GRIP1: variants seen among roughly 807,000 people sequenced by gnomAD.
GRIP1 encodes the protein glutamate receptor interacting protein 1.
Under a neutral mutation model 129.9 loss-of-function variants are expected in GRIP1, and 45 were observed. The ratio of observed to expected loss-of-function variants is 0.35; its 90% CI spans 0.27 to 0.44. The LOEUF is 0.44. Among genes scored for constraint, GRIP1 ranks in the 20% least tolerant of loss-of-function variants. GRIP1 has a pLI of 1.00. For missense variants in GRIP1, 1,196 were observed against 1,396.8 expected (o/e 0.86, Z 2.29); for synonymous variants, 530 against 520.8 (o/e 1.02, Z -0.24).
intron 1 of GRIP1, among the ~76,000 whole-genome samples, chr12:66,598,304 G>A (rs1197155455): frequency 6.6e-6 from 1 of 152,130 alleles, no homozygotes; most frequent in African/African-American, 2.4e-5. Context: ...GATTAACACT[G>A]CTGTAAGTGG....
rs560821485 is a variant in GRIP1, at chr12:66,921,320, C to T, written c.58+147730G>A. On this transcript the variant is annotated intron_variant, in intron 1 of 1. Coordinates refer to the GRIP1 transcript ENST00000643019. ...CAGGCAAGATTCCACACAAAATACACAGGAAAGGGACTGCTCCTGGCTCCT... is the reference window on the plus strand; with the variant it reads ...CAGGCAAGATTCCACACAAAATACATAGGAAAGGGACTGCTCCTGGCTCCT... Among the ~76,000 whole-genome samples, 140 of 152,288 alleles carry T rather than the reference C, an allele frequency of 9.2e-4. 1 individual carries two copies. The highest frequency in any genetic ancestry group is 3.3e-3 in the African/African-American group (138 of 41,556).
intron 1 of GRIP1, among the ~76,000 whole-genome samples, chr12:66,979,236 A>ACAAAC (rs1437500076): frequency 4.9e-5 from 7 of 142,568 alleles, no homozygotes; most frequent in Admixed American, 2.2e-4. Flanking sequence ...AAAAAAAAAA[A>ACAAAC]AAAAAAAAAA....
At chr12:66,772,418 A>G (rs1414876736) in intron 1 of GRIP1, among the ~76,000 whole-genome samples, 1 of 152,262 alleles carries the variant, frequency 6.6e-6, no homozygotes, top group Non-Finnish European at 1.5e-5. Flanking sequence ...CATATCCTTC[A>G]GAAAATTGCT....
intron 2 of GRIP1, among the ~76,000 whole-genome samples, chr12:66,557,616 T>C (rs1029494582): frequency 6.6e-6 from 1 of 152,194 alleles, no homozygotes; most frequent in Non-Finnish European, 1.5e-5. Flanking sequence ...GTGTCAAGTA[T>C]ATTCTCTGAC....
chr12:66,594,406 G>A (rs896116212), intron 2 of GRIP1, among the ~76,000 whole-genome samples: 6 of 152,178 alleles, frequency 3.9e-5, no homozygotes, highest in African/African-American at 1.4e-4. Context: ...TACAGCCCAG[G>A]ACGGCTTTGA....
rs186744728 is a variant in GRIP1, at chr12:66,422,199, C to T, written c.1769-1410G>A. ...CAGATGGCTTAATATCTTAACACAA[C>T]ATTTAAAGAAAAAGAAAACGCATAT... On this transcript the variant is annotated intron_variant, in intron 14 of 24. Transcript: ENST00000359742. 1.2e-4 allele frequency among the ~76,000 whole-genome samples: 18 copies of T among 152,280 alleles called. No individual in the cohort carries two copies. The East Asian group carries it at 3.3e-3, about 28-fold the overall frequency.
chr12:66,621,577 T>C (rs1234010333), intron 1 of GRIP1, among the ~76,000 whole-genome samples: 1 of 152,184 alleles, frequency 6.6e-6, no homozygotes, highest in East Asian at 1.9e-4. Flanking sequence ...AAGTATCTGT[T>C]TGAGTCCCTG....
intron 11 of GRIP1, 23 bp downstream of exon 11, chr12:66,455,386 C>A (rs1001930996): frequency 6.2e-7 from 1 of 1,609,852 alleles, no homozygotes; most frequent in Non-Finnish European, 8.5e-7. Flanking sequence ...AGGCCAAATG[C>A]CATTGGCTGT....
In GRIP1 at chr12:67,034,448, C is replaced by G. The variant is rs137959068; in HGVS notation, c.58+34602G>C. Among the ~76,000 whole-genome samples, 365 of 152,274 alleles carry G rather than the reference C, an allele frequency of 2.4e-3. 2 individuals carry two copies. The highest frequency in any genetic ancestry group is 8.4e-3 in the African/African-American group (348 of 41,544). Reference sequence around the variant, plus strand: ...ACACCTAGGCTACAAACCCATACAGCCTGTTACAGTATAGAATACTGTAAG... The same window carrying G: ...ACACCTAGGCTACAAACCCATACAGGCTGTTACAGTATAGAATACTGTAAG... On this transcript the variant is annotated intron_variant, in intron 1 of 1. Coordinates refer to the GRIP1 transcript ENST00000643019.
At chr12:66,749,889 G>A (rs965530048) in intron 1 of GRIP1, among the ~76,000 whole-genome samples, 1 of 152,182 alleles carries the variant, frequency 6.6e-6, no homozygotes, top group South Asian at 2.1e-4. Context: ...TGGATACAGA[G>A]AGAGAAATAA....
At chr12:66,792,770 TTGTC>T (rs145276556) in intron 1 of GRIP1, among the ~76,000 whole-genome samples, 5 of 152,200 alleles carry the variant, frequency 3.3e-5, no homozygotes, top group Non-Finnish European at 7.4e-5. Flanking sequence ...ACATACCTAA[TTGTC>T]TGAGAAAATT....
chr12:66,790,856 G>A (rs779969648), intron 1 of GRIP1, among the ~76,000 whole-genome samples: 16 of 152,066 alleles, frequency 1.1e-4, no homozygotes, highest in Non-Finnish European at 2.2e-4. Flanking sequence ...AATTCAGAGA[G>A]TTAGAAGGGC....
intron 23 of GRIP1, among the ~76,000 whole-genome samples, chr12:66,366,126 G>T (rs2055129258): frequency 6.6e-6 from 1 of 152,208 alleles, no homozygotes; most frequent in Non-Finnish European, 1.5e-5. Context: ...AGCTTCCAGT[G>T]ATTTCCACAG....
At chr12:66,931,962 T>C (rs141147950) in intron 1 of GRIP1, among the ~76,000 whole-genome samples, 35 of 152,340 alleles carry the variant, frequency 2.3e-4, no homozygotes, top group African/African-American at 7.5e-4. Flanking sequence ...GGCTAAGCAT[T>C]ATCACAGACA....
chr12:67,047,900 G>C (rs1313570999), intron 1 of GRIP1, among the ~76,000 whole-genome samples: 3 of 152,132 alleles, frequency 2.0e-5, no homozygotes, highest in Non-Finnish European at 4.4e-5. Flanking sequence ...CCTTGTGAAA[G>C]CACTGGACAG....
intron 1 of GRIP1, among the ~76,000 whole-genome samples, chr12:66,860,726 T>A (rs1331754165): frequency 1.3e-5 from 2 of 152,022 alleles, no homozygotes; most frequent in African/African-American, 4.8e-5. Context: ...AATGTGACTA[T>A]GAATCACCAG....
intron 2 of GRIP1, among the ~76,000 whole-genome samples, chr12:66,551,196 T>C (rs1159146343): frequency 2.0e-5 from 3 of 152,256 alleles, no homozygotes; most frequent in African/African-American, 7.2e-5. Context: ...CCAGACTCTG[T>C]GGTAGAGGCT....
chr12:66,528,629 TG>T (rs2061343935), intron 5 of GRIP1, among the ~76,000 whole-genome samples: 1 of 152,166 alleles, frequency 6.6e-6, no homozygotes, highest in Non-Finnish European at 1.5e-5. Flanking sequence ...TTAATCCTAG[TG>T]TATTAAATCA....
At chr12:66,361,129 G>A (rs577817482) in intron 23 of GRIP1, among the ~76,000 whole-genome samples, 2 of 152,342 alleles carry the variant, frequency 1.3e-5, no homozygotes, top group East Asian at 3.9e-4. Context: ...TAAACTGGAA[G>A]CCTACAGCCC....
Sources: allele counts gnomAD v4.1 joint callset (sites outside exome capture counted in the v4.1 genomes callset), GRCh38; gene constraint gnomAD v4.1.1; transcripts MANE v1.5; gene names NCBI Gene and HGNC (gene_info 2026-07-23, HGNC 2026-07-21).